The following KIF26B variants were observed in gnomAD, a reference collection of about 807,000 sequenced individuals.
KIF26B encodes kinesin-like protein KIF26B.
KIF26B carries 63 observed loss-of-function variants against 151.2 expected under a neutral mutation model. That is an observed-to-expected ratio of 0.42 (90% CI 0.34 to 0.51). The LOEUF (loss-of-function observed/expected upper bound fraction) is 0.51, where lower values mean the gene tolerates loss of function less well. KIF26B is among the 20% of genes least tolerant of loss of function. The pLI is 0.07. For synonymous variants in KIF26B, 1,357 were observed against 1,262.1 expected (o/e 1.08, Z -1.59); for missense variants, 2,813 against 2,913.6 (o/e 0.97, Z 0.79).
intron 4 of KIF26B, among the ~76,000 whole-genome samples, chr1:245,497,029 T>C (rs1012486687): frequency 9.2e-5 from 14 of 151,974 alleles, no homozygotes; most frequent in Non-Finnish European, 1.5e-4. Flanking sequence ...GGCGCATGTC[T>C]GTAATCGCAA....
chr1:245,494,010 A>T (rs1015985604), intron 4 of KIF26B, among the ~76,000 whole-genome samples: 1 of 152,142 alleles, frequency 6.6e-6, no homozygotes, highest in Non-Finnish European at 1.5e-5. Flanking sequence ...AGTGGAAAAA[A>T]AAAAATCACA....
intron 10 of KIF26B, among the ~76,000 whole-genome samples, chr1:245,683,539 T>C (rs2044466923): frequency 6.6e-6 from 1 of 152,174 alleles, no homozygotes; most frequent in Admixed American, 6.5e-5. Context: ...CTCAGGGCAG[T>C]GGCCCCGCAC....
At chr1:245,588,664 G>C (rs1489904165) in intron 5 of KIF26B, among the ~76,000 whole-genome samples, 1 of 152,200 alleles carries the variant, frequency 6.6e-6, no homozygotes, top group East Asian at 1.9e-4. Context: ...TGAAAATGAA[G>C]GAACTCTTAC....
In KIF26B at chr1:245,300,583, C is replaced by T. The variant is rs142368550; in HGVS notation, c.466-66251C>T. Among the ~76,000 whole-genome samples, 22 of 150,464 alleles carry T rather than the reference C, an allele frequency of 1.5e-4. No individual in the cohort carries two copies. In the East Asian group the frequency reaches 1.6e-3, roughly 11 times the overall value. ...TTGCTCTGTTGCCCAGGCTATAGTA[C>T]GGTGGCACGATCTTGGCTCACTGCA... is the stretch of plus-strand genomic sequence containing the variant. On this transcript the variant is annotated intron_variant, in intron 2 of 14. Coordinates refer to ENST00000407071, the MANE Select transcript of KIF26B (RefSeq NM_018012.4).
rs555565112 is a variant in KIF26B, at chr1:245,512,986, T to C, written c.1167-27781T>C. On this transcript the variant is annotated intron_variant, in intron 4 of 14. Coordinates refer to ENST00000407071, the MANE Select transcript of KIF26B (RefSeq NM_018012.4). The surrounding 1 kb of genome is among the most constrained non-coding windows in gnomAD (Gnocchi z 4.3). ...TCCCTGTTAAAGCAGATACCAGTTA[T>C]AGCCTTCCTGGGTTAGGGGAGACAG... 6.8e-4 allele frequency among the ~76,000 whole-genome samples: 104 copies of C among 152,334 alleles called. No individual in the cohort carries two copies. The highest frequency in any genetic ancestry group is 2.3e-3 in the African/African-American group (96 of 41,582).
intron 4 of KIF26B, among the ~76,000 whole-genome samples, chr1:245,486,683 T>A (rs1484030852): frequency 2.6e-5 from 4 of 152,214 alleles, no homozygotes; most frequent in African/African-American, 9.6e-5. Context: ...ATTAAATTTT[T>A]TTTTGGGACG....
Position 245,167,490 on chromosome 1 carries a change from A to G in KIF26B, c.465+10807A>G, listed in dbSNP as rs183635673. On this transcript the variant is annotated intron_variant, in intron 2 of 14. Coordinates refer to ENST00000407071, the MANE Select transcript of KIF26B (RefSeq NM_018012.4). This position sits in a 1 kb window ranked among gnomAD's most constrained non-coding sequence, Gnocchi z 4.2. ...TTGGGGTTATAATCACTACTTCCCA[A>G]CCCTTCCTCCACCTAACTGGTGGCT... Among the ~76,000 whole-genome samples, 23 of 152,072 alleles carry G rather than the reference A, an allele frequency of 1.5e-4. No homozygotes were observed. The highest frequency in any genetic ancestry group is 3.3e-4 in the Admixed American group (5 of 15,278).
chr1:245,623,415 A>G (rs2043686976), intron 9 of KIF26B, among the ~76,000 whole-genome samples: 1 of 152,194 alleles, frequency 6.6e-6, no homozygotes, highest in African/African-American at 2.4e-5. Context: ...GCCTGTATCA[A>G]TAGTTCATAT....
intron 2 of KIF26B, among the ~76,000 whole-genome samples, chr1:245,344,164 C>G (rs1234873567): frequency 2.0e-5 from 3 of 151,130 alleles, no homozygotes; most frequent in Non-Finnish European, 2.9e-5. Flanking sequence ...CTCCTTCCCC[C>G]TCCCTGTCTC....
chr1:245,595,425 G>A (rs145934727), intron 5 of KIF26B, among the ~76,000 whole-genome samples: 23 of 151,674 alleles, frequency 1.5e-4, no homozygotes, highest in African/African-American at 5.3e-4. Flanking sequence ...GATAATCGTG[G>A]TTTTTGTCAT....
At chr1:245,185,575 T>TCAG (rs769526267) in intron 2 of KIF26B, among the ~76,000 whole-genome samples, 2 of 152,236 alleles carry the variant, frequency 1.3e-5, no homozygotes, top group Non-Finnish European at 2.9e-5. Context: ...GTCTTTTCTC[T>TCAG]CAGCAAAGTC....
intron 4 of KIF26B, among the ~76,000 whole-genome samples, chr1:245,487,787 A>G: frequency 9.1e-3 from 1 of 110 alleles, no homozygotes; most frequent in East Asian, 0.5. Flanking sequence ...TTTTTGAGAC[A>G]AGAGTCTCGC....
chr1:245,354,245 G>A (rs566033908), intron 2 of KIF26B, among the ~76,000 whole-genome samples: 6 of 152,234 alleles, frequency 3.9e-5, no homozygotes, highest in South Asian at 2.1e-4. Flanking sequence ...TTGCCTTATC[G>A]TGGCTTTTGT....
intron 3 of KIF26B, among the ~76,000 whole-genome samples, chr1:245,418,578 C>G (rs1269665466): frequency 6.6e-6 from 1 of 152,208 alleles, no homozygotes; most frequent in Admixed American, 6.5e-5. Context: ...CGGATCTTTG[C>G]TTTATTGCAC....
Position 245,684,106 on chromosome 1 carries a change from A to G in KIF26B, c.2259-127A>G, listed in dbSNP as rs778904348. On this transcript the variant is annotated intron_variant, in intron 10 of 14. Coordinates refer to ENST00000407071, the MANE Select transcript of KIF26B (RefSeq NM_018012.4). Reference sequence around the variant, plus strand: ...ATGCTGGAAAATGATGCTAATTAGTATGCCATTAAAAAGGGTGGGGGGACC... The same window carrying G: ...ATGCTGGAAAATGATGCTAATTAGTGTGCCATTAAAAAGGGTGGGGGGACC... The G allele has an allele frequency of 1.3e-4, 116 of 919,280 alleles. 1 individual carries two copies. The highest frequency in any genetic ancestry group is 4.8e-4 in the South Asian group (27 of 56,264). 56.9% of individuals were successfully genotyped at this position (919,280 alleles called of 1,614,324 possible). A position where few individuals can be genotyped will look rare whatever the true frequency, so the allele number is the denominator to read the frequency against.
rs765071022 is a variant in KIF26B at position 245,156,440 on chromosome 1, C to T, written c.222C>T (p.Gly74=). 2.4e-5 allele frequency: 37 copies of T among 1,526,284 alleles called. No individual in the cohort carries two copies. Among genetic ancestry groups the T allele is most frequent in the Middle Eastern group, 4.2e-4 (2 of 4,728 alleles). 94.5% of individuals were successfully genotyped at this position (1,526,284 alleles called of 1,614,324 possible). ...CGGGGACCCCGTCTCCCGGCTCGGGCACCTCGTCCCCGAGCTCGTTCACCG... is the reference window on the plus strand; with the variant it reads ...CGGGGACCCCGTCTCCCGGCTCGGGTACCTCGTCCCCGAGCTCGTTCACCG... ...GSSGTPSPGS[G]TSSPSSFTGS... The change falls in exon 2 of 15, where the codon GGC becomes GGT. Residue 74 remains glycine, a synonymous_variant. Coordinates refer to ENST00000407071, the MANE Select transcript of KIF26B (RefSeq NM_018012.4).
At chr1:245,689,446 C>T (rs2044593618) in intron 12 of KIF26B, among the ~76,000 whole-genome samples, 2 of 152,232 alleles carry the variant, frequency 1.3e-5, no homozygotes, top group African/African-American at 4.8e-5. Context: ...ACCTCCACCC[C>T]AAACATATTT....
intron 7 of KIF26B, 26 bp downstream of exon 7, chr1:245,607,770 G>A (rs2043472536): frequency 6.4e-7 from 1 of 1,571,628 alleles, no homozygotes; most frequent in Non-Finnish European, 8.7e-7. Context: ...ACTTTCTCAT[G>A]CGGCTCGTTG....
intron 2 of KIF26B, among the ~76,000 whole-genome samples, chr1:245,324,227 T>A (rs1572003627): frequency 6.6e-6 from 1 of 152,254 alleles, no homozygotes; most frequent in Admixed American, 6.5e-5. Context: ...GTGGAGTTGA[T>A]GTGGGTTCTG....
Sources: allele counts gnomAD v4.1 joint callset (sites outside exome capture counted in the v4.1 genomes callset), GRCh38; gene constraint gnomAD v4.1.1; non-coding constraint Gnocchi (gnomAD v3.1); transcripts MANE v1.5; gene names NCBI Gene and HGNC (gene_info 2026-07-23, HGNC 2026-07-21).